ARMH3: variants seen among roughly 807,000 people sequenced by gnomAD.
ARMH3 encodes the protein armadillo-like helical domain-containing protein 3.
In ARMH3, 60 loss-of-function variants were observed where a neutral mutation model predicts 99.1. The ratio of observed to expected loss-of-function variants is 0.61; its 90% confidence interval spans 0.49 to 0.75. ARMH3 has a LOEUF of 0.75. Ranked by LOEUF, ARMH3 falls within the 30% of genes least tolerant of loss-of-function variation. The pLI is 0.00. For missense variants in ARMH3, 679 were observed against 843.1 expected (o/e 0.81, Z 2.41); for synonymous variants, 285 against 292.8 (o/e 0.97, Z 0.27).
intron 19 of ARMH3, among the ~76,000 whole-genome samples, chr10:101,976,221 A>T (rs4311996): frequency 0.71 from 101,182 of 142,206 alleles, 37,459 homozygotes; most frequent in African/African-American, 0.93. Context: ...ATGCCTGTAG[A>T]CCCAGCTACT....
At chr10:102,046,320 A>T (rs2067549369) in intron 1 of ARMH3, among the ~76,000 whole-genome samples, 1 of 151,266 alleles carries the variant, frequency 6.6e-6, no homozygotes, top group African/African-American at 2.4e-5. Flanking sequence ...GAGAAAAGAG[A>T]GAGAAAGAGA....
chr10:102,031,894 A>C (rs186459986), intron 4 of ARMH3, among the ~76,000 whole-genome samples: 2 of 152,060 alleles, frequency 1.3e-5, no homozygotes, highest in African/African-American at 4.8e-5. Flanking sequence ...ATGCGCCACC[A>C]CGCCCGGCTA....
chr10:101,950,152 T>C (rs1200198154), intron 22 of ARMH3, among the ~76,000 whole-genome samples: 3 of 151,898 alleles, frequency 2.0e-5, no homozygotes, highest in Non-Finnish European at 1.5e-5. Flanking sequence ...CTGTAACCAG[T>C]ACAATAAGGC....
Position 102,029,654 on chromosome 10 carries a change from G to A in ARMH3, c.398C>T (p.Ala133Val), listed in dbSNP as rs780822538. The part of the protein sequence containing the change: ...IINMLMGFDK[A>V]ELCMKNLMES... ...ATGCCTCACCTTCATGCACAGCTCCGCCTTGTCAAAGCCCATCAGCATGTT... is the reference window on the plus strand; with the variant it reads ...ATGCCTCACCTTCATGCACAGCTCCACCTTGTCAAAGCCCATCAGCATGTT... Residue 133 changes from alanine to valine, a missense_variant, in exon 5 of 26, where the codon GCG becomes GTG. Physicochemically the swap from Ala to Val is moderately conservative, Grantham distance 64. Transcript: ENST00000370033. The A allele has an allele frequency of 1.2e-5, 20 of 1,614,032 alleles. No homozygotes were observed. Among genetic ancestry groups the A allele is most frequent in the Admixed American group, 1.7e-5 (1 of 59,998 alleles).
chr10:102,009,904 T>C, intron 12 of ARMH3, 73 bp downstream of exon 12: 1 of 1,392,996 alleles, frequency 7.2e-7, no homozygotes, highest in South Asian at 1.2e-5. Context: ...GAGGTAACAC[T>C]GCACACTCTC....
At chr10:101,859,128 A>C (rs1233823460) in intron 24 of ARMH3, among the ~76,000 whole-genome samples, 7 of 152,228 alleles carry the variant, frequency 4.6e-5, no homozygotes, top group African/African-American at 1.7e-4. Flanking sequence ...AGGACATAGA[A>C]GGTTGAGCCA....
intron 23 of ARMH3, among the ~76,000 whole-genome samples, chr10:101,923,301 C>G (rs1418851784): frequency 6.6e-6 from 1 of 152,150 alleles, no homozygotes; most frequent in Admixed American, 6.5e-5. Flanking sequence ...GCTGATAGCA[C>G]AGTAAAATGA....
At chr10:101,936,777 T>C (rs1453960089) in intron 23 of ARMH3, among the ~76,000 whole-genome samples, 17 of 152,262 alleles carry the variant, frequency 1.1e-4, no homozygotes. Context: ...AACGGATGAA[T>C]GGATAAGTAA....
intron 20 of ARMH3, among the ~76,000 whole-genome samples, chr10:101,959,090 AG>A (rs1845167962): frequency 6.6e-6 from 1 of 152,226 alleles, no homozygotes; most frequent in African/African-American, 2.4e-5. Context: ...CATAATGAAA[AG>A]GCAAATGATA....
chr10:101,986,366 C>G (rs1391437536), intron 19 of ARMH3, among the ~76,000 whole-genome samples: 1 of 152,096 alleles, frequency 6.6e-6, no homozygotes, highest in Non-Finnish European at 1.5e-5. Context: ...AGAGTGGCAG[C>G]AAGAATCAAG....
At chr10:102,000,877 C>T (rs146085611) in intron 15 of ARMH3, among the ~76,000 whole-genome samples, 1 of 151,866 alleles carries the variant, frequency 6.6e-6, no homozygotes, top group Non-Finnish European at 1.5e-5. Context: ...GGTACAGTGG[C>T]GCGATCTCAA....
At chr10:102,036,866 TAAAA>T (rs750365326) in intron 2 of ARMH3, among the ~76,000 whole-genome samples, 1 of 77,934 alleles carries the variant, frequency 1.3e-5, no homozygotes, top group Non-Finnish European at 2.8e-5. Context: ...GAATGATCAA[TAAAA>T]AAAAAAAAAA....
At chr10:101,886,733 T>C (rs2067556768) in intron 24 of ARMH3, among the ~76,000 whole-genome samples, 1 of 152,150 alleles carries the variant, frequency 6.6e-6, no homozygotes, top group Admixed American at 6.5e-5. Context: ...GAGGCTGGAA[T>C]GTGTCTAGGG....
In ARMH3 at chr10:101,847,532, G is replaced by T; in HGVS notation, c.2066C>A (p.Ser689Tyr). ...GCTGCTCAGGTAGGCGTGGCCTCAG[G>T]AGATAGTGGAGAACTCCTTGAGCAG... ...EVLLKEFSTIS is the reference protein window; with the variant it reads ...EVLLKEFSTIY The change falls in exon 26 of 26, where the codon TCC becomes TAC. Residue 689 changes from serine to tyrosine, a missense_variant. Ser to Tyr is a moderately radical substitution (Grantham distance 144, BLOSUM62 -2). Around this residue, in one of 3 missense-constraint regions of ARMH3, gnomAD observed 389 missense variants for 456.5 expected, o/e 0.85. Transcript: ENST00000370033. 2 of 1,614,060 alleles carry T rather than the reference G, an allele frequency of 1.2e-6. No individual in the cohort carries two copies. The highest frequency in any genetic ancestry group is 1.7e-6 in the Non-Finnish European group (2 of 1,179,906).
Position 102,009,280 on chromosome 10 carries a change from G to A in ARMH3, c.954+94C>T, listed in dbSNP as rs116387697. ...CTACCACTTACCAATGCAAAGCAGGGTTTAAACAAGTACAGCCAGATAGGC... is the reference window on the plus strand; with the variant it reads ...CTACCACTTACCAATGCAAAGCAGGATTTAAACAAGTACAGCCAGATAGGC... On this transcript the variant is annotated intron_variant, in intron 13 of 25. Transcript: ENST00000370033. 1,875 of 1,190,770 alleles carry A rather than the reference G, an allele frequency of 1.6e-3. 21 individuals carry two copies. The African/African-American group carries it at 0.025, about 16-fold the overall frequency. The allele number at this position is 1,190,770 out of a possible 1,614,324, so 73.8% of individuals were successfully genotyped here.
At chr10:101,963,986 C>A (rs139389375) in intron 20 of ARMH3, among the ~76,000 whole-genome samples, 7 of 151,476 alleles carry the variant, frequency 4.6e-5, no homozygotes, top group African/African-American at 1.5e-4. Context: ...ACGCCATTCT[C>A]CTGCCTCAGC....
chr10:102,028,547 ATAT>A (rs1366765201), intron 5 of ARMH3, among the ~76,000 whole-genome samples: 3 of 152,242 alleles, frequency 2.0e-5, no homozygotes, highest in Non-Finnish European at 2.9e-5. Context: ...AGCCAAAGGA[ATAT>A]TATTAGGCAA....
At chr10:101,922,929 A>G (rs996258351) in intron 23 of ARMH3, among the ~76,000 whole-genome samples, 2 of 152,206 alleles carry the variant, frequency 1.3e-5, no homozygotes, top group African/African-American at 4.8e-5. Flanking sequence ...GTGTCTAATG[A>G]GAGAGAAATT....
intron 24 of ARMH3, among the ~76,000 whole-genome samples, chr10:101,882,013 G>T (rs1192378108): frequency 2.6e-5 from 4 of 152,114 alleles, no homozygotes; most frequent in Non-Finnish European, 1.5e-5. Flanking sequence ...ATAACAAGTT[G>T]CCTTAAACCA....
Sources: allele counts gnomAD v4.1 joint callset (sites outside exome capture counted in the v4.1 genomes callset), GRCh38; gene constraint gnomAD v4.1.1; regional missense constraint gnomAD v4.1.1; transcripts MANE v1.5; gene names NCBI Gene and HGNC (gene_info 2026-07-23, HGNC 2026-07-21).